Variants in BRINP3 observed in about 807,000 individuals in gnomAD.
The protein encoded by BRINP3 is BMP/retinoic acid-inducible neural-specific protein 3.
A neutral mutation model predicts 71.0 loss-of-function variants in BRINP3; 19 were observed. The observed-to-expected ratio is 0.27, with a 90% confidence interval of 0.19 to 0.39. BRINP3 has a LOEUF of 0.39. Ranked by LOEUF, BRINP3 falls within the 10% of genes least tolerant of loss-of-function variation. The probability of loss-of-function intolerance (pLI) is 1.00; values close to 1 mark genes in which losing one functional copy is unlikely to be tolerated. For synonymous variants in BRINP3, 380 were observed against 337.7 expected, an observed-to-expected ratio of 1.13 and a Z score of -1.37; for missense variants, 959 against 940.8, an observed-to-expected ratio of 1.02 and a Z score of -0.25.
intron 6 of BRINP3, among the ~76,000 whole-genome samples, chr1:190,192,809 G>T (rs565459349): frequency 6.6e-6 from 1 of 152,054 alleles, no homozygotes; most frequent in Non-Finnish European, 1.5e-5. Flanking sequence ...AAAACTGGTT[G>T]GGCTTTGATT....
At chr1:190,370,261 T>C (rs1393607479) in intron 2 of BRINP3, among the ~76,000 whole-genome samples, 6 of 151,966 alleles carry the variant, frequency 3.9e-5, no homozygotes, top group East Asian at 1.9e-4. Flanking sequence ...TCAAGAAAAA[T>C]AGAGAAAGTC....
chr1:190,399,845 TA>T (rs1671812684), intron 2 of BRINP3, among the ~76,000 whole-genome samples: 1 of 152,066 alleles, frequency 6.6e-6, no homozygotes, highest in Non-Finnish European at 1.5e-5. Context: ...CTAGGGCATC[TA>T]AATTTAGCTA....
intron 2 of BRINP3, among the ~76,000 whole-genome samples, chr1:190,339,103 A>G (rs2103104992): frequency 6.6e-6 from 1 of 152,104 alleles, no homozygotes; most frequent in South Asian, 2.1e-4. Flanking sequence ...GCACACACAT[A>G]ATATTGAAAG....
intron 2 of BRINP3, among the ~76,000 whole-genome samples, chr1:190,344,928 G>A (rs766073342): frequency 1.3e-5 from 2 of 151,832 alleles, no homozygotes; most frequent in African/African-American, 2.4e-5. Flanking sequence ...TAAAGCAGAA[G>A]TAGTGAGCAC....
intron 4 of BRINP3, among the ~76,000 whole-genome samples, chr1:190,245,896 T>C (rs1053634617): frequency 6.6e-5 from 10 of 151,870 alleles, no homozygotes; most frequent in African/African-American, 1.7e-4. Context: ...GAATGATGGT[T>C]TCCAGCTTCA....
At chr1:190,313,015 C>G (rs1451217426) in intron 2 of BRINP3, among the ~76,000 whole-genome samples, 2 of 151,844 alleles carry the variant, frequency 1.3e-5, no homozygotes, top group Non-Finnish European at 2.9e-5. Flanking sequence ...ACAAACTACA[C>G]TGCACAATAA....
intron 7 of BRINP3, among the ~76,000 whole-genome samples, chr1:190,099,907 C>T (rs1651550179): frequency 6.6e-6 from 1 of 152,054 alleles, no homozygotes; most frequent in Non-Finnish European, 1.5e-5. Context: ...TTTCAAATCT[C>T]ACTTTTCTGA....
chr1:190,442,801 CGTGTGTGT>C (rs35183761), intron 2 of BRINP3, among the ~76,000 whole-genome samples: 3 of 132,656 alleles, frequency 2.3e-5, no homozygotes, highest in East Asian at 2.4e-4. Flanking sequence ...CATGCCTGTG[CGTGTGTGT>C]GTGTGTGTGT....
chr1:190,128,560 AT>A (rs1165975922), intron 7 of BRINP3, among the ~76,000 whole-genome samples: 1 of 151,752 alleles, frequency 6.6e-6, no homozygotes, highest in Non-Finnish European at 1.5e-5. Flanking sequence ...TTGATCTAGA[AT>A]TTAATTTCTT....
At chr1:190,402,108 TTTACTC>T (rs1671966315) in intron 2 of BRINP3, among the ~76,000 whole-genome samples, 1 of 152,072 alleles carries the variant, frequency 6.6e-6, no homozygotes, top group Non-Finnish European at 1.5e-5. Flanking sequence ...AGAATAATCT[TTTACTC>T]TTGAAAATAA....
At chr1:190,272,094 G>C (rs1662159271) in intron 3 of BRINP3, among the ~76,000 whole-genome samples, 1 of 151,434 alleles carries the variant, frequency 6.6e-6, no homozygotes, top group African/African-American at 2.4e-5. Context: ...CTATCTACAG[G>C]AGATTTAAAA....
At chr1:190,427,862 G>GTT (rs35384279) in intron 2 of BRINP3, among the ~76,000 whole-genome samples, 66 of 140,946 alleles carry the variant, frequency 4.7e-4, no homozygotes, top group East Asian at 2.5e-3. Context: ...TATGCATTAG[G>GTT]TTTTTTTTTT....
At chr1:190,216,360 T>C (rs1227557986) in intron 6 of BRINP3, among the ~76,000 whole-genome samples, 1 of 151,646 alleles carries the variant, frequency 6.6e-6, no homozygotes, top group African/African-American at 2.4e-5. Flanking sequence ...TATATATCTT[T>C]ATTCTATACT....
At chr1:190,208,862 A>C (rs981652748) in intron 6 of BRINP3, among the ~76,000 whole-genome samples, 1 of 152,098 alleles carries the variant, frequency 6.6e-6, no homozygotes, top group African/African-American at 2.4e-5. Flanking sequence ...TGTACAAGTC[A>C]CTTAACATGT....
At chr1:190,189,991 T>C (rs1010582226) in intron 6 of BRINP3, among the ~76,000 whole-genome samples, 2 of 152,098 alleles carry the variant, frequency 1.3e-5, no homozygotes, top group African/African-American at 4.8e-5. Flanking sequence ...ATTACAACAG[T>C]TGTGGCACTG....
At chr1:190,121,948 T>C (rs556043106) in intron 7 of BRINP3, among the ~76,000 whole-genome samples, 41 of 152,312 alleles carry the variant, frequency 2.7e-4, no homozygotes, top group African/African-American at 8.4e-4. Flanking sequence ...CTGAGGCTTG[T>C]AGAATGAATG....
chr1:190,124,347 T>A (rs901617347), intron 7 of BRINP3, among the ~76,000 whole-genome samples: 1 of 152,174 alleles, frequency 6.6e-6, no homozygotes, highest in Non-Finnish European at 1.5e-5. Flanking sequence ...TGGCTTCCGG[T>A]GAGAAATAAA....
intron 7 of BRINP3, among the ~76,000 whole-genome samples, chr1:190,101,870 G>A (rs568352024): frequency 2.0e-5 from 3 of 152,150 alleles, no homozygotes; most frequent in Non-Finnish European, 4.4e-5. Flanking sequence ...CTTTAGAAAA[G>A]CAAGAACTTT....
chr1:190,189,351 T>C (rs575186419), intron 6 of BRINP3, among the ~76,000 whole-genome samples: 146 of 152,264 alleles, frequency 9.6e-4, no homozygotes, highest in African/African-American at 2.6e-3. Context: ...TTTCTATTTG[T>C]TCATTATTCA....
Sources: allele counts gnomAD v4.1 joint callset (sites outside exome capture counted in the v4.1 genomes callset), GRCh38; gene constraint gnomAD v4.1.1; transcripts MANE v1.5; gene names NCBI Gene and HGNC (gene_info 2026-07-23, HGNC 2026-07-21).